TXK: variants seen among roughly 807,000 people sequenced by gnomAD.
TXK encodes the protein TXK tyrosine kinase.
In TXK, 60 loss-of-function variants were observed where a neutral mutation model predicts 81.0. The ratio of observed to expected loss-of-function variants is 0.74; its 90% CI spans 0.60 to 0.92. The LOEUF is 0.92. Among genes scored for constraint, TXK ranks in the 40% least tolerant of loss-of-function variants. The pLI is 0.00. For missense variants in TXK, 581 were observed against 638.3 expected (o/e 0.91, Z 0.97); for synonymous variants, 203 against 210.7 (o/e 0.96, Z 0.32).
chr4:48,114,303 G>T (rs200475317), intron 2 of TXK, 45 bp downstream of exon 2: 2 of 1,594,230 alleles, frequency 1.3e-6, no homozygotes, highest in Admixed American at 1.7e-5. Flanking sequence ...ATAAAGAAAC[G>T]GAATTAATTA....
rs2109408110 is a variant in TXK, at chr4:48,079,901, A to C, written c.1173+11T>G. 1 of 1,600,264 alleles carries C rather than the reference A, an allele frequency of 6.2e-7. No individual in the cohort carries two copies. The highest frequency in any genetic ancestry group is 1.1e-5 in the South Asian group (1 of 90,356). On this transcript the variant is annotated intron_variant, in intron 11 of 14. Transcript: ENST00000264316. ...ATACAAAAAAAAAAAGTAAATTTGC[A>C]CCATACTTACCAAATCCCTATGAAT...
chr4:48,134,005 G>T, intron 1 of TXK, 150 bp downstream of exon 1: 1 of 780,288 alleles, frequency 1.3e-6, no homozygotes, highest in Non-Finnish European at 2.0e-6. Flanking sequence ...CTTTAAATAA[G>T]AAACAAAACT....
chr4:48,113,458 G>A, intron 2 of TXK, 149 bp from the exon 3 acceptor site: 1 of 556,048 alleles, frequency 1.8e-6, no homozygotes, highest in Admixed American at 3.1e-5. Context: ...CATCTCCCTG[G>A]GCAAATTACT....
intron 10 of TXK, among the ~76,000 whole-genome samples, chr4:48,081,879 A>G (rs1379833461): frequency 6.6e-6 from 1 of 152,172 alleles, no homozygotes; most frequent in Non-Finnish European, 1.5e-5. Context: ...GCCTGATATA[A>G]TAATGTACAC....
intron 1 of TXK, 153 bp from the exon 2 acceptor site, chr4:48,114,555 A>T: frequency 1.3e-6 from 1 of 745,730 alleles, no homozygotes; most frequent in South Asian, 1.7e-5. Context: ...ACTGTCACTA[A>T]AGCAAAAAAT....
At chr4:48,123,354 A>G (rs1442897823) in intron 1 of TXK, among the ~76,000 whole-genome samples, 1 of 152,134 alleles carries the variant, frequency 6.6e-6, no homozygotes, top group East Asian at 1.9e-4. Flanking sequence ...CCCCAACAGA[A>G]TTATCATCTT....
chr4:48,114,699 C>T (rs1718745784), intron 1 of TXK, among the ~76,000 whole-genome samples: 1 of 152,110 alleles, frequency 6.6e-6, no homozygotes, highest in South Asian at 2.1e-4. Flanking sequence ...GGCTAATGTT[C>T]GCTAACAAAT....
chr4:48,089,738 T>G lies in TXK; in HGVS notation c.784+12A>C, dbSNP rs144246791. 3.1e-4 allele frequency: 496 copies of G among 1,610,222 alleles called. 4 individuals are homozygous for G. In the East Asian group the frequency reaches 8.7e-3, roughly 28 times the overall value. On this transcript the variant is annotated intron_variant, in intron 9 of 14. Coordinates refer to ENST00000264316, the MANE Select transcript of TXK (RefSeq NM_003328.3). ...ATTTGCTATTTTACTTCAGCATGTG[T>G]GCACACTTTACCGTAGCTAAACCCA... is the stretch of plus-strand genomic sequence containing the variant.
At position 48,095,129 on chromosome 4, in the gene TXK, T is replaced by C. The variant is rs765790608; in HGVS notation, c.581+14A>G. ...GGGATTATTTCTATAGTAACCAAAATCACAAGTGCTTACCTTCTAGCTCCC... is the reference window on the plus strand; with the variant it reads ...GGGATTATTTCTATAGTAACCAAAACCACAAGTGCTTACCTTCTAGCTCCC... On this transcript the variant is annotated intron_variant, in intron 7 of 14. Transcript: ENST00000264316. The C allele has an allele frequency of 3.1e-6, 5 of 1,598,618 alleles. No homozygotes were observed. The East Asian group carries it at 1.1e-4, about 36-fold the overall frequency.
chr4:48,085,646 C>T (rs1209181598), intron 10 of TXK, among the ~76,000 whole-genome samples: 2 of 151,446 alleles, frequency 1.3e-5, no homozygotes, highest in African/African-American at 4.8e-5. Flanking sequence ...TGTACTGTGC[C>T]CATATAAACC....
intron 11 of TXK, among the ~76,000 whole-genome samples, chr4:48,079,688 G>A (rs529369750): frequency 2.0e-5 from 3 of 152,178 alleles, no homozygotes; most frequent in Non-Finnish European, 1.5e-5. Context: ...CTGATAAATC[G>A]GCTCTGTCTA....
intron 1 of TXK, among the ~76,000 whole-genome samples, chr4:48,119,497 C>G (rs1718893521): frequency 1.3e-5 from 2 of 152,154 alleles, no homozygotes; most frequent in African/African-American, 4.8e-5. Flanking sequence ...CCTTTGCACC[C>G]ACTGCTGTTT....
At chr4:48,133,643 T>A (rs907380544) in intron 1 of TXK, among the ~76,000 whole-genome samples, 3 of 152,262 alleles carry the variant, frequency 2.0e-5, no homozygotes, top group Non-Finnish European at 4.4e-5. Context: ...TAAGTCTATA[T>A]GTTTACTTGA....
intron 2 of TXK, among the ~76,000 whole-genome samples, chr4:48,113,654 T>C (rs545468896): frequency 2.0e-5 from 3 of 152,338 alleles, no homozygotes; most frequent in East Asian, 1.9e-4. Context: ...TCATTTTATA[T>C]GCATTACCTC....
chr4:48,068,712 C>T (rs1404596117), intron 14 of TXK, among the ~76,000 whole-genome samples: 1 of 152,196 alleles, frequency 6.6e-6, no homozygotes, highest in East Asian at 1.9e-4. Context: ...AGAGATGGCA[C>T]TGTCAGCATC....
intron 1 of TXK, among the ~76,000 whole-genome samples, chr4:48,133,166 C>T (rs773281507): frequency 6.6e-6 from 1 of 151,656 alleles, no homozygotes; most frequent in Non-Finnish European, 1.5e-5. Flanking sequence ...TATAAAGAAA[C>T]AAACACATTG....
At chr4:48,111,208 T>C (rs941100016) in intron 4 of TXK, among the ~76,000 whole-genome samples, 1 of 152,186 alleles carries the variant, frequency 6.6e-6, no homozygotes, top group East Asian at 1.9e-4. Context: ...TTAACCAACA[T>C]TTGAAATTAC....
chr4:48,128,051 T>C (rs934980458), intron 1 of TXK, among the ~76,000 whole-genome samples: 3 of 152,122 alleles, frequency 2.0e-5, no homozygotes, highest in Non-Finnish European at 4.4e-5. Context: ...TGAAGAACTG[T>C]GGGGCCCGGG....
intron 1 of TXK, among the ~76,000 whole-genome samples, chr4:48,128,835 AG>A (rs1249651609): frequency 6.6e-6 from 1 of 151,758 alleles, no homozygotes; most frequent in Non-Finnish European, 1.5e-5. Context: ...CCAAAGTGCT[AG>A]GATTACAGGC....
Sources: allele counts gnomAD v4.1 joint callset (sites outside exome capture counted in the v4.1 genomes callset), GRCh38; gene constraint gnomAD v4.1.1; transcripts MANE v1.5; gene names NCBI Gene and HGNC (gene_info 2026-07-23, HGNC 2026-07-21).